SLIT3: variants seen among roughly 807,000 people sequenced by gnomAD.
The protein encoded by SLIT3 is slit homolog 3 protein.
Under a neutral mutation model 184.0 loss-of-function variants are expected in SLIT3, and 68 were observed. The observed-to-expected ratio is 0.37, with a 90% CI of 0.30 to 0.45. The LOEUF (loss-of-function observed/expected upper bound fraction) is 0.45. Ranked by LOEUF, SLIT3 falls within the 20% of genes least tolerant of loss-of-function variation. The pLI is 1.00. For synonymous variants in SLIT3, 831 were observed against 828.6 expected (o/e 1.00, Z -0.05); for missense variants, 1,707 against 2,026.0 (o/e 0.84, Z 3.02).
intron 4 of SLIT3, among the ~76,000 whole-genome samples, chr5:168,990,992 G>C (rs534520298): frequency 1.3e-5 from 2 of 152,306 alleles, no homozygotes; most frequent in East Asian, 3.9e-4. Context: ...TGTGGGATGG[G>C]AATGGTCATC....
At chr5:168,994,182 C>A (rs1755428623) in intron 4 of SLIT3, 1 of 152,228 alleles carries the variant, frequency 6.6e-6, no homozygotes, top group Admixed American at 6.5e-5. Context: ...GACTCCACAA[C>A]CCCTTGGTAA....
intron 4 of SLIT3, among the ~76,000 whole-genome samples, chr5:168,928,960 T>C (rs1479209876): frequency 6.6e-6 from 1 of 152,212 alleles, no homozygotes; most frequent in African/African-American, 2.4e-5. Flanking sequence ...TATATATGAC[T>C]GGCCCAGACT....
chr5:169,183,508 TG>T (rs1490463606), intron 4 of SLIT3, among the ~76,000 whole-genome samples: 4 of 152,198 alleles, frequency 2.6e-5, no homozygotes, highest in Non-Finnish European at 5.9e-5. Flanking sequence ...TTATCTCTAA[TG>T]GTCCAGTGCT....
chr5:168,772,737 C>G lies in SLIT3; in HGVS notation c.1459+44G>C, dbSNP rs758363605. The G allele has an allele frequency of 5.6e-6, 9 of 1,610,528 alleles. No homozygotes were observed. The Admixed American group carries it at 6.7e-5, about 12-fold the overall frequency. On this transcript the variant is annotated intron_variant, in intron 14 of 35. Coordinates refer to ENST00000519560, the MANE Select transcript of SLIT3 (RefSeq NM_003062.4). ...ATTATTGGCCTCTCTGGGGCTGCTG[C>G]ATTCTGAGTCAGAAAGCGGGGCCCA...
intron 4 of SLIT3, among the ~76,000 whole-genome samples, chr5:169,132,395 T>C (rs1282751205): frequency 2.0e-5 from 3 of 152,178 alleles, no homozygotes; most frequent in Non-Finnish European, 4.4e-5. Flanking sequence ...AGGGTTGAGG[T>C]GCCAGTTAGA....
intron 6 of SLIT3, among the ~76,000 whole-genome samples, chr5:168,839,422 G>T (rs901116763): frequency 1.3e-5 from 2 of 152,236 alleles, no homozygotes; most frequent in African/African-American, 2.4e-5. Flanking sequence ...AAGGAGGACA[G>T]GTGTTCCCCA....
At chr5:169,228,024 C>T (rs566417551) in intron 3 of SLIT3, among the ~76,000 whole-genome samples, 6 of 152,282 alleles carry the variant, frequency 3.9e-5, no homozygotes, top group African/African-American at 7.2e-5. Flanking sequence ...AGGTTCCCAA[C>T]GGAAGGCCTG....
intron 27 of SLIT3, among the ~76,000 whole-genome samples, chr5:168,700,265 A>T (rs1162466471): frequency 2.6e-5 from 4 of 152,172 alleles, no homozygotes; most frequent in African/African-American, 9.7e-5. Flanking sequence ...CCAAGTGTCA[A>T]GGGTGGGGCC....
chr5:169,139,023 G>A (rs1479441525), intron 4 of SLIT3, among the ~76,000 whole-genome samples: 1 of 152,178 alleles, frequency 6.6e-6, no homozygotes, highest in South Asian at 2.1e-4. Context: ...TCTTTTCTCA[G>A]CTTCCTGAAG....
intron 4 of SLIT3, among the ~76,000 whole-genome samples, chr5:168,914,607 T>C (rs1761373911): frequency 6.6e-6 from 1 of 152,240 alleles, no homozygotes; most frequent in Non-Finnish European, 1.5e-5. Flanking sequence ...GCCACTCGTT[T>C]TGCTATTCCA....
intron 4 of SLIT3, chr5:169,120,400 A>C (rs1760835353): frequency 6.6e-6 from 1 of 152,278 alleles, no homozygotes; most frequent in African/African-American, 2.4e-5. Flanking sequence ...CACAGCAGAG[A>C]GAGAGGCTTG....
intron 4 of SLIT3, among the ~76,000 whole-genome samples, chr5:168,974,895 G>A (rs750713296): frequency 3.3e-5 from 5 of 152,174 alleles, no homozygotes; most frequent in Admixed American, 6.5e-5. Flanking sequence ...AGCACACCCC[G>A]GAGAATGGGG....
intron 4 of SLIT3, among the ~76,000 whole-genome samples, chr5:169,099,432 C>T (rs1452133720): frequency 6.6e-6 from 1 of 152,162 alleles, no homozygotes; most frequent in Non-Finnish European, 1.5e-5. Flanking sequence ...TGTTCCTTCC[C>T]TTCCATGTGC....
intron 3 of SLIT3, among the ~76,000 whole-genome samples, chr5:169,219,774 G>A (rs35479935): frequency 2.0e-5 from 3 of 152,056 alleles, no homozygotes; most frequent in East Asian, 1.9e-4. Context: ...AGATGAAATC[G>A]CAGAAGCAGT....
intron 3 of SLIT3, among the ~76,000 whole-genome samples, chr5:169,204,575 G>C (rs937265278): frequency 2.6e-5 from 4 of 152,304 alleles, no homozygotes; most frequent in Admixed American, 2.0e-4. Context: ...TGAAGCTCCT[G>C]AACAGGCAAC....
intron 1 of SLIT3, among the ~76,000 whole-genome samples, chr5:169,269,714 A>T (rs938276948): frequency 3.9e-5 from 6 of 152,264 alleles, no homozygotes; most frequent in African/African-American, 1.2e-4. Flanking sequence ...ATAAAATGCC[A>T]AGGGGCAGGA....
intron 23 of SLIT3, among the ~76,000 whole-genome samples, chr5:168,713,017 T>A (rs1475003423): frequency 2.0e-5 from 3 of 152,200 alleles, no homozygotes; most frequent in African/African-American, 7.2e-5. Context: ...GTCAGTAAAT[T>A]AGTTTCCTTC....
intron 4 of SLIT3, among the ~76,000 whole-genome samples, chr5:168,979,575 T>C (rs901310810): frequency 7.2e-5 from 11 of 152,020 alleles, no homozygotes; most frequent in Non-Finnish European, 4.4e-5. Context: ...CAAGAATGAG[T>C]TTTCCAGAGA....
chr5:169,255,716 T>C (rs1327122245), intron 1 of SLIT3, among the ~76,000 whole-genome samples: 1 of 152,148 alleles, frequency 6.6e-6, no homozygotes, highest in Non-Finnish European at 1.5e-5. Context: ...ACCCCGTCTC[T>C]ACTAAAAATA....
Sources: allele counts gnomAD v4.1 joint callset (sites outside exome capture counted in the v4.1 genomes callset), GRCh38; gene constraint gnomAD v4.1.1; transcripts MANE v1.5; gene names NCBI Gene and HGNC (gene_info 2026-07-23, HGNC 2026-07-21).